The following FBXO34 variants were observed in gnomAD, a reference collection of about 807,000 sequenced individuals.
FBXO34 encodes the protein F-box protein 34, also known as F-box only protein 34.
A neutral mutation model predicts 24.5 loss-of-function variants in FBXO34; 12 were observed. That is an observed-to-expected ratio of 0.49 (90% CI 0.31 to 0.79). The LOEUF (loss-of-function observed/expected upper bound fraction) is 0.79, where lower values mean the gene tolerates loss of function less well. Among genes scored for constraint, FBXO34 ranks in the 30% least tolerant of loss-of-function variants. FBXO34 has a pLI of 0.04. For synonymous variants in FBXO34, 320 were observed against 311.9 expected, an observed-to-expected ratio of 1.03 and a Z score of -0.27; for missense variants, 823 against 857.7, an observed-to-expected ratio of 0.96 and a Z score of 0.51.
At chr14:55,359,486 C>T (rs1450784990) in intron 3 of FBXO34, among the ~76,000 whole-genome samples, 1 of 152,160 alleles carries the variant, frequency 6.6e-6, no homozygotes, top group Non-Finnish European at 1.5e-5. Context: ...AAACAATGTA[C>T]ATTAAGGAAT....
intron 1 of FBXO34, among the ~76,000 whole-genome samples, chr14:55,314,176 G>A (rs1029109200): frequency 1.3e-5 from 2 of 151,982 alleles, no homozygotes; most frequent in Admixed American, 6.6e-5. Flanking sequence ...CTCCCAAAGT[G>A]TTGGGATTAC....
At chr14:55,313,404 C>T (rs1882815886) in intron 1 of FBXO34, among the ~76,000 whole-genome samples, 1 of 152,290 alleles carries the variant, frequency 6.6e-6, no homozygotes, top group African/African-American at 2.4e-5. Flanking sequence ...TTCATGTCTT[C>T]TTCTGAGTCC....
chr14:55,390,908 T>A, the FBXO34 span: 1 of 1,576,880 alleles, frequency 6.3e-7, no homozygotes, highest in Non-Finnish European at 8.7e-7. Context: ...ACGAATTACT[T>A]ACTTTTCTCC....
the FBXO34 span, among the ~76,000 whole-genome samples, chr14:55,438,023 T>C: frequency 6.6e-6 from 1 of 152,194 alleles, no homozygotes; most frequent in Admixed American, 6.5e-5. Context: ...TAATGTAAAA[T>C]TCATGGACTT....
At chr14:55,409,343 C>T in the FBXO34 span, among the ~76,000 whole-genome samples, 4 of 152,094 alleles carry the variant, frequency 2.6e-5, no homozygotes, top group African/African-American at 9.7e-5. Flanking sequence ...TATTGAGTTT[C>T]TACTATGTGA....
chr14:55,438,265 C>A, the FBXO34 span, among the ~76,000 whole-genome samples: 1 of 152,206 alleles, frequency 6.6e-6, no homozygotes, highest in Admixed American at 6.5e-5. Context: ...TCTGTTACTA[C>A]AAGTCCAGCA....
chr14:55,428,709 TA>T, the FBXO34 span: 1 of 1,306,254 alleles, frequency 7.7e-7, no homozygotes, highest in Non-Finnish European at 1.0e-6. Flanking sequence ...TTTTTTTTTT[TA>T]ATCACAATTT....
chr14:55,326,327 G>A (rs1883341606), intron 1 of FBXO34, among the ~76,000 whole-genome samples: 1 of 152,190 alleles, frequency 6.6e-6, no homozygotes, highest in Non-Finnish European at 1.5e-5. Flanking sequence ...ATAATTAAAT[G>A]AGGCAGAAGT....
chr14:55,427,953 G>A, the FBXO34 span, among the ~76,000 whole-genome samples: 1 of 120,660 alleles, frequency 8.3e-6, no homozygotes, highest in Admixed American at 9.7e-5. Flanking sequence ...ATCTCTCACT[G>A]CAAGCTCCGT....
chr14:55,298,963 C>A, intron 1 of FBXO34: 2 of 1,594,418 alleles, frequency 1.3e-6, no homozygotes, highest in Non-Finnish European at 1.7e-6. Flanking sequence ...AAGAAGGCGG[C>A]CCACGACAAC....
chr14:55,411,265 A>G, the FBXO34 span, among the ~76,000 whole-genome samples: 1 of 152,264 alleles, frequency 6.6e-6, no homozygotes, highest in Non-Finnish European at 1.5e-5. Flanking sequence ...ATGGGAGTAC[A>G]TACAGCAAAG....
At chr14:55,395,099 A>T in the FBXO34 span, 1 of 502,840 alleles carries the variant, frequency 2.0e-6, no homozygotes, top group East Asian at 5.7e-5. Flanking sequence ...TTGTCTGAAG[A>T]TTTATCCTTT....
intron 1 of FBXO34, chr14:55,282,487 C>T (rs935482849): frequency 2.1e-5 from 5 of 238,666 alleles, no homozygotes; most frequent in South Asian, 6.1e-5. Flanking sequence ...ACAAACCCCT[C>T]GAAGTCTGTC....
At chr14:55,413,490 G>A in the FBXO34 span, 1 of 222,948 alleles carries the variant, frequency 4.5e-6, no homozygotes, top group Non-Finnish European at 9.3e-6. Flanking sequence ...TTAAGGGGAG[G>A]GGGCGGCGCC....
chr14:55,388,368 C>T, the FBXO34 span, among the ~76,000 whole-genome samples: 2 of 152,174 alleles, frequency 1.3e-5, no homozygotes, highest in Non-Finnish European at 2.9e-5. Context: ...GGCAGGAAAT[C>T]ATCAGTCACC....
At chr14:55,418,686 G>A in the FBXO34 span, among the ~76,000 whole-genome samples, 1 of 152,108 alleles carries the variant, frequency 6.6e-6, no homozygotes, top group African/African-American at 2.4e-5. Flanking sequence ...CAGCAACAAT[G>A]ACACAACTTC....
chr14:55,423,678 T>A, the FBXO34 span, among the ~76,000 whole-genome samples: 1 of 152,330 alleles, frequency 6.6e-6, no homozygotes, highest in South Asian at 2.1e-4. Context: ...GATATGAAAT[T>A]CACATTTCAG....
chr14:55,338,916 AAAAAC>A (rs1177553623), intron 1 of FBXO34, among the ~76,000 whole-genome samples: 2 of 132,002 alleles, frequency 1.5e-5, no homozygotes, highest in African/African-American at 5.3e-5. Flanking sequence ...AAAAACAAAA[AAAAAC>A]AAAAAAAAAA....
chr14:55,359,100 G>A (rs1411102568), intron 3 of FBXO34, among the ~76,000 whole-genome samples: 1 of 152,146 alleles, frequency 6.6e-6, no homozygotes, highest in Non-Finnish European at 1.5e-5. Context: ...TGAGCAGGAT[G>A]AAGGGGAGGG....
Sources: allele counts gnomAD v4.1 joint callset (sites outside exome capture counted in the v4.1 genomes callset), GRCh38; gene constraint gnomAD v4.1.1; transcripts MANE v1.5; gene names NCBI Gene and HGNC (gene_info 2026-07-23, HGNC 2026-07-21).